FHOD1: variants seen among roughly 807,000 people sequenced by gnomAD.
The protein encoded by FHOD1 is FH1/FH2 domain-containing protein 1.
FHOD1 carries 89 observed loss-of-function variants against 111.6 expected under a neutral mutation model. The observed-to-expected ratio is 0.80, with a 90% confidence interval of 0.67 to 0.95. FHOD1 has a LOEUF of 0.95. FHOD1 is among the 40% of genes least tolerant of loss of function. FHOD1 has a pLI of 0.00. For missense variants in FHOD1, 1,446 were observed against 1,554.2 expected, an observed-to-expected ratio of 0.93 and a Z score of 1.17; for synonymous variants, 618 against 639.0, an observed-to-expected ratio of 0.97 and a Z score of 0.50.
At position 67,236,574 on chromosome 16, in the gene FHOD1, G is replaced by A. The variant is rs761595877; in HGVS notation, c.1302C>T (p.Ser434=). ...CTACTTACTTGTAGATGCTCCTCTC[G>A]CTGGAGGTGTCAGCTGAGGGTGCCA... ...ISVAPSADTS[S]ERSIYKARFL... Residue 434 remains serine, a synonymous_variant, in exon 11 of 22, where the codon AGC becomes AGT. Coordinates refer to ENST00000258201, the MANE Select transcript of FHOD1 (RefSeq NM_013241.3). The A allele has an allele frequency of 6.2e-7, 1 of 1,613,410 alleles. No homozygotes were observed. The highest frequency in any genetic ancestry group is 8.5e-7 in the Non-Finnish European group (1 of 1,179,778).
chr16:67,247,285 G>A lies in FHOD1; in HGVS notation c.126C>T (p.Thr42=), dbSNP rs1277484557. The A allele has an allele frequency of 3.7e-6, 6 of 1,612,848 alleles. No homozygotes were observed. Among genetic ancestry groups the A allele is most frequent in the South Asian group, 1.1e-5 (1 of 91,048 alleles). Residue 42 remains threonine, a synonymous_variant, in exon 1 of 22, where the codon ACC becomes ACT. Transcript: ENST00000258201. Reference sequence around the variant, plus strand: ...AGGGCAGCGCCCCGTCCAGGCTGCAGGTGGGGGCCCGGCGCGGCTCCGGAA... The same window carrying A: ...AGGGCAGCGCCCCGTCCAGGCTGCAAGTGGGGGCCCGGCGCGGCTCCGGAA... ...ANFPEPRRAP[T]CSLDGALPLG... is the part of the protein sequence containing the mutation.
At chr16:67,241,114 A>C (rs1444438652) in intron 1 of FHOD1, among the ~76,000 whole-genome samples, 1,736 of 82,992 alleles carry the variant, frequency 0.021, no homozygotes, top group Admixed American at 0.028. Context: ...CCCTTGGATG[A>C]CCCCCCCCCC....
chr16:67,230,925 A>G, intron 17 of FHOD1, 134 bp from the exon 18 acceptor site: 1 of 974,928 alleles, frequency 1.0e-6, no homozygotes, highest in East Asian at 2.5e-5. Context: ...AGACTAGTGC[A>G]AGAGACACAA....
In FHOD1 at chr16:67,231,536, G is replaced by C; in HGVS notation, c.2399C>G (p.Pro800Arg). 1.2e-6 allele frequency: 2 copies of C among 1,614,148 alleles called. No individual in the cohort carries two copies. Among genetic ancestry groups the C allele is most frequent in the Non-Finnish European group, 1.7e-6 (2 of 1,180,040 alleles). ...CATACCCACTTTCAGGTCAAACAGT[G>C]GCTCAGCAATTTCCTGGTATGGGAG... is the stretch of plus-strand genomic sequence containing the variant. ...YDSMEREIAE[P>R]LFDLKVGMEQ... The change falls in exon 16 of 22, where the codon CCA becomes CGA. Residue 800 changes from proline (P) to arginine (R), a missense_variant. Pro to Arg is a moderately radical substitution (Grantham distance 103). Transcript: ENST00000258201. This position sits in a 1 kb window ranked among gnomAD's most constrained non-coding sequence, Gnocchi z 4.3.
rs1435471216 is a variant in FHOD1, at chr16:67,238,936, T to C, written c.340A>G (p.Thr114Ala). The C allele has an allele frequency of 6.2e-7, 1 of 1,613,982 alleles. No individual in the cohort carries two copies. Among genetic ancestry groups the C allele is most frequent in the Non-Finnish European group, 8.5e-7 (1 of 1,180,010 alleles). The change falls in exon 3 of 22, where the codon ACC (threonine) becomes GCC (alanine). Residue 114 changes from threonine (T) to alanine (A), a missense_variant. Physicochemically the swap from Thr to Ala is moderately conservative, Grantham distance 58. Around this residue, in one of 3 missense-constraint regions of FHOD1, gnomAD observed 234 missense variants for 327.4 expected, o/e 0.71. Coordinates refer to ENST00000258201, the MANE Select transcript of FHOD1 (RefSeq NM_013241.3). The surrounding 1 kb of genome is among the most constrained non-coding windows in gnomAD (Gnocchi z 4.2). ...GCGTTGACCCTCACAGAGAGCTGGG[T>C]CCGAAGGATCAGCGTGGGCTTCCGC... is the stretch of plus-strand genomic sequence containing the variant. ...KGRKPTLILR[T>A]QLSVRVNAIL...
chr16:67,245,806 A>C lies in FHOD1; in HGVS notation c.201+1404T>G, dbSNP rs553313201. ...GGTCCAATCCTTGAGTTGCAGGATGAGAGGAATACAATATATTCTCTAGTG... is the reference window on the plus strand; with the variant it reads ...GGTCCAATCCTTGAGTTGCAGGATGCGAGGAATACAATATATTCTCTAGTG... On this transcript the variant is annotated intron_variant, in intron 1 of 21. Transcript: ENST00000258201. Among the ~76,000 whole-genome samples, 12 of 151,920 alleles carry C rather than the reference A, an allele frequency of 7.9e-5. No homozygotes were observed. The East Asian group carries it at 2.1e-3, about 27-fold the overall frequency.
intron 1 of FHOD1, 30 bp from the exon 2 acceptor site, chr16:67,239,484 G>T: frequency 6.4e-7 from 1 of 1,557,320 alleles, no homozygotes; most frequent in South Asian, 1.1e-5. Context: ...CTGTGAGACT[G>T]AGGAAGAGGT....
rs746728173 is a variant in FHOD1, at chr16:67,231,683, CG to C, written c.2338del (p.Arg780ValfsTer25). ...CAGCTTGAAGGCCCAGAGTTGTAGA[CG>C]AGCAGCGAGGCCGCCAATGGAGGCA... ...TLASIGGLAA[R>X]LQLWAFKLDY... On this transcript the variant is annotated frameshift_variant, in exon 15 of 22. Transcript: ENST00000258201. LOFTEE classifies it high-confidence loss of function. This position sits in a 1 kb window ranked among gnomAD's most constrained non-coding sequence, Gnocchi z 4.3. The C allele has an allele frequency of 6.2e-7, 1 of 1,614,162 alleles. No homozygotes were observed. The highest frequency in any genetic ancestry group is 1.7e-5 in the Admixed American group (1 of 60,028).
In FHOD1 at chr16:67,237,736, C is replaced by T; in HGVS notation, c.675G>A (p.Leu225=). The T allele has an allele frequency of 6.2e-7, 1 of 1,614,182 alleles. No homozygotes were observed. Among genetic ancestry groups the T allele is most frequent in the Non-Finnish European group, 8.5e-7 (1 of 1,180,042 alleles). ...CGGAGTATTCTACAAACACCAACAG[C>T]AGCTTCAGGGCTGTCTTCACCACCA... is the stretch of plus-strand genomic sequence containing the variant. The part of the protein sequence containing the change: ...SRLVVKTALK[L]LLVFVEYSEN... The change falls in exon 7 of 22, where the codon CTG becomes CTA. Residue 225 remains leucine (L), a synonymous_variant. Transcript: ENST00000258201. This position sits in a 1 kb window ranked among gnomAD's most constrained non-coding sequence, Gnocchi z 5.6.
In FHOD1 at chr16:67,237,289, C is replaced by G; in HGVS notation, c.943G>C (p.Gly315Arg). 1 of 1,614,006 alleles carries G rather than the reference C, an allele frequency of 6.2e-7. No homozygotes were observed. The highest frequency in any genetic ancestry group is 8.5e-7 in the Non-Finnish European group (1 of 1,180,044). Residue 315 changes from glycine to arginine, a missense_variant, in exon 9 of 22, where the codon GGC becomes CGC. Gly to Arg is a moderately radical substitution (Grantham distance 125). Around this residue, in one of 3 missense-constraint regions of FHOD1, gnomAD observed 234 missense variants for 327.4 expected, o/e 0.71. Transcript: ENST00000258201. The surrounding 1 kb of genome is among the most constrained non-coding windows in gnomAD (Gnocchi z 5.6). ...AGGTCGACGTCAGTGCCCGCAGTGC[C>G]CAGGTGGCGCTGGACCAGCGCTTCC... ...GMEALVQRHL[G>R]TAGTDVDLRT...
At chr16:67,239,814 A>G (rs1230706438) in intron 1 of FHOD1, among the ~76,000 whole-genome samples, 1 of 152,186 alleles carries the variant, frequency 6.6e-6, no homozygotes, top group Non-Finnish European at 1.5e-5. Context: ...CTCTGCGTTC[A>G]GGCACTCCGT....
At chr16:67,236,497 C>T (rs2034480539) in intron 11 of FHOD1, 60 bp downstream of exon 11, 1 of 1,577,868 alleles carries the variant, frequency 6.3e-7, no homozygotes, top group Non-Finnish European at 8.6e-7. Context: ...CATGGAGGGG[C>T]GCAAAGCGGA....
At chr16:67,240,721 G>A (rs1048130656) in intron 1 of FHOD1, among the ~76,000 whole-genome samples, 2 of 152,200 alleles carry the variant, frequency 1.3e-5, no homozygotes, top group African/African-American at 4.8e-5. Context: ...TGAGGGAGGT[G>A]ACTCCTGTGA....
chr16:67,247,049 T>C, intron 1 of FHOD1, 161 bp downstream of exon 1: 2 of 775,062 alleles, frequency 2.6e-6, no homozygotes, highest in Non-Finnish European at 1.9e-6. Flanking sequence ...GAGAGGGGAC[T>C]CCCCCGCAGG....
intron 1 of FHOD1, among the ~76,000 whole-genome samples, chr16:67,243,779 TC>T (rs1291188283): frequency 1.3e-5 from 2 of 152,118 alleles, no homozygotes; most frequent in Admixed American, 1.3e-4. Flanking sequence ...TCCTCCCAGT[TC>T]CAGTAAGGGA....
intron 2 of FHOD1, 81 bp from the exon 3 acceptor site, chr16:67,239,048 C>T (rs941520874): frequency 7.3e-6 from 10 of 1,373,374 alleles, no homozygotes; most frequent in Admixed American, 5.2e-5. Flanking sequence ...CCAAAGACCT[C>T]CCCATGCCAG....
At chr16:67,230,032 G>C (rs772730223) in intron 20 of FHOD1, 34 bp downstream of exon 20, 32 of 1,612,932 alleles carry the variant, frequency 2.0e-5, no homozygotes, top group Non-Finnish European at 2.6e-5. Context: ...AGGTGGCACT[G>C]GAGCCCATTC....
At position 67,236,665 on chromosome 16, in the gene FHOD1, G is replaced by A; in HGVS notation, c.1211C>T (p.Ala404Val). ...GGAGGGAGGGCCCACAGGGCTGGAGGCGGGGCCTGTCAGCAGGGCGGGGCC... is the reference window on the plus strand; with the variant it reads ...GGAGGGAGGGCCCACAGGGCTGGAGACGGGGCCTGTCAGCAGGGCGGGGCC... Reference protein sequence around the residue: ...STGPALLTGPASSPVGPPSGL... With the variant: ...STGPALLTGPVSSPVGPPSGL... The change falls in exon 11 of 22, where the codon GCC (alanine) becomes GTC (valine). Residue 404 changes from alanine (A) to valine (V), a missense_variant. Physicochemically the swap from Ala to Val is moderately conservative, Grantham distance 64 (BLOSUM62 0). Transcript: ENST00000258201. 6.2e-7 allele frequency: 1 copy of A among 1,608,944 alleles called. No individual in the cohort carries two copies. The highest frequency in any genetic ancestry group is 8.5e-7 in the Non-Finnish European group (1 of 1,177,780).
rs755559629 is a variant in FHOD1, at chr16:67,231,505, C to T, written c.2430G>A (p.Gln810=). 1 of 1,614,184 alleles carries T rather than the reference C, an allele frequency of 6.2e-7. No homozygotes were observed. The highest frequency in any genetic ancestry group is 2.2e-5 in the East Asian group (1 of 44,888). Residue 810 remains glutamine, a synonymous_variant, in exon 16 of 22, where the codon CAG becomes CAA. Coordinates refer to ENST00000258201, the MANE Select transcript of FHOD1 (RefSeq NM_013241.3). This position sits in a 1 kb window ranked among gnomAD's most constrained non-coding sequence, Gnocchi z 4.3. ...AGCGGAAGGTGGCATTCTGTACCAG[C>T]TGTTCCATACCCACTTTCAGGTCAA... ...PLFDLKVGME[Q]LVQNATFRCI... is the part of the protein sequence containing the mutation.
Sources: gnomAD v4.1 joint callset for allele counts (sites outside exome capture counted in the v4.1 genomes callset) on GRCh38, gnomAD v4.1.1 for gene constraint, gnomAD v4.1.1 regional missense constraint, Gnocchi (gnomAD v3.1) non-coding constraint, MANE v1.5 for transcripts, NCBI Gene and HGNC (gene_info 2026-07-23, HGNC 2026-07-21) for gene names.